The following SLMAP variants were observed in gnomAD, a reference collection of about 807,000 sequenced individuals.
SLMAP encodes the protein sarcolemma associated protein.
Under a neutral mutation model 128.8 loss-of-function variants are expected in SLMAP, and 44 were observed. The observed-to-expected ratio is 0.34, with a 90% CI of 0.27 to 0.44. The LOEUF is 0.44. SLMAP is among the 20% of genes least tolerant of loss of function. The probability of loss-of-function intolerance (pLI) is 1.00; values close to 1 mark genes in which losing one functional copy is unlikely to be tolerated. For synonymous variants in SLMAP, 327 were observed against 348.8 expected, an observed-to-expected ratio of 0.94 and a Z score of 0.70; for missense variants, 787 against 985.3, an observed-to-expected ratio of 0.80 and a Z score of 2.69.
In SLMAP at chr3:57,927,325, T is replaced by C. The variant is rs370475448; in HGVS notation, c.*36T>C. The C allele has an allele frequency of 6.2e-7, 1 of 1,607,628 alleles. No homozygotes were observed. The highest frequency in any genetic ancestry group is 8.5e-7 in the Non-Finnish European group (1 of 1,175,828). On this transcript the variant is annotated 3_prime_UTR_variant, in exon 25 of 25. Coordinates refer to ENST00000671191, the MANE Select transcript of SLMAP (RefSeq NM_001377540.1). Reference sequence around the variant, plus strand: ...CCTGGCCCTGGATGCCCATGTTGGCTGCCCTGGTTGCAGTAACAGCCATCG... The same window carrying C: ...CCTGGCCCTGGATGCCCATGTTGGCCGCCCTGGTTGCAGTAACAGCCATCG...
chr3:57,769,383 T>C (rs1414931062), intron 2 of SLMAP, among the ~76,000 whole-genome samples: 3 of 152,012 alleles, frequency 2.0e-5, no homozygotes, highest in East Asian at 1.9e-4. Flanking sequence ...TTAGTAGAGA[T>C]GGGGTTTCAC....
chr3:57,783,587 AGAAAG>A (rs1299551965), intron 2 of SLMAP, among the ~76,000 whole-genome samples: 1 of 152,244 alleles, frequency 6.6e-6, no homozygotes, highest in Admixed American at 6.5e-5. Context: ...AAAGAGAAAC[AGAAAG>A]GAAAGATTTG....
chr3:57,891,796 C>G (rs549918522), intron 15 of SLMAP, among the ~76,000 whole-genome samples: 1 of 152,090 alleles, frequency 6.6e-6, no homozygotes, highest in East Asian at 1.9e-4. Context: ...AGGCTGGTCT[C>G]AAACTCCTGA....
At chr3:57,767,407 A>G (rs2079960942) in intron 2 of SLMAP, among the ~76,000 whole-genome samples, 1 of 152,244 alleles carries the variant, frequency 6.6e-6, no homozygotes, top group Non-Finnish European at 1.5e-5. Flanking sequence ...GCAGAAAGTC[A>G]TTCAAGTTAG....
chr3:57,874,287 G>A (rs560845757), intron 14 of SLMAP, among the ~76,000 whole-genome samples: 15 of 152,140 alleles, frequency 9.9e-5, no homozygotes, highest in Admixed American at 4.6e-4. Flanking sequence ...GCAAATCCCC[G>A]TCTCTAAAAA....
At chr3:57,861,104 A>G (rs1157697409) in intron 9 of SLMAP, among the ~76,000 whole-genome samples, 2 of 151,404 alleles carry the variant, frequency 1.3e-5, no homozygotes, top group Non-Finnish European at 3.0e-5. Flanking sequence ...TTCACCCTCC[A>G]TACAGCAGAC....
intron 2 of SLMAP, among the ~76,000 whole-genome samples, chr3:57,779,508 C>CA (rs75146875): frequency 0.022 from 1,749 of 79,414 alleles, 13 homozygotes; most frequent in African/African-American, 0.036. Flanking sequence ...GACCCTGTTT[C>CA]AAAAAAAAAA....
Position 57,930,003 on chromosome 3 carries a change from A to G in SLMAP, c.*2714A>G, listed in dbSNP as rs185850087. Among the ~76,000 whole-genome samples, 2 of 152,322 alleles carry G rather than the reference A, an allele frequency of 1.3e-5. No homozygotes were observed. The highest frequency in any genetic ancestry group is 3.9e-4 in the East Asian group (2 of 5,188). On this transcript the variant is annotated 3_prime_UTR_variant, in exon 25 of 25. Transcript: ENST00000671191. ...TTAATTAAATGAATTGATTGACTCA[A>G]CCATTCAGAATTTCTGTGTATGAGT...
intron 21 of SLMAP, among the ~76,000 whole-genome samples, chr3:57,915,086 A>AT (rs1460442660): frequency 6.6e-6 from 1 of 151,552 alleles, no homozygotes; most frequent in African/African-American, 2.4e-5. Flanking sequence ...GGGTTTCACC[A>AT]TGTTGATCAG....
intron 22 of SLMAP, among the ~76,000 whole-genome samples, chr3:57,920,313 T>G (rs1479115472): frequency 6.6e-6 from 1 of 152,144 alleles, no homozygotes; most frequent in Non-Finnish European, 1.5e-5. Context: ...TATCCAGGCT[T>G]GTTGTGGGAA....
At chr3:57,896,677 ATG>A in intron 16 of SLMAP, 86 bp downstream of exon 16, 1 of 1,187,836 alleles carries the variant, frequency 8.4e-7, no homozygotes, top group South Asian at 1.5e-5. Context: ...ATTTCAAAGT[ATG>A]TGTTTGGGGA....
chr3:57,882,511 T>C (rs2153635600), intron 14 of SLMAP, among the ~76,000 whole-genome samples: 1 of 152,356 alleles, frequency 6.6e-6, no homozygotes, highest in African/African-American at 2.4e-5. Flanking sequence ...CTTAAACACC[T>C]TTTTAAAATA....
chr3:57,880,072 G>T (rs572706267), intron 14 of SLMAP, among the ~76,000 whole-genome samples: 1 of 152,236 alleles, frequency 6.6e-6, no homozygotes, highest in African/African-American at 2.4e-5. Context: ...TGGTGGGGTG[G>T]TTCTATTCCT....
chr3:57,896,461 A>G (rs2096246315), intron 15 of SLMAP, 50 bp from the exon 16 acceptor site: 2 of 1,524,054 alleles, frequency 1.3e-6, no homozygotes, highest in East Asian at 4.9e-5. Flanking sequence ...TTTTATTGAT[A>G]TAAGATATTT....
intron 15 of SLMAP, among the ~76,000 whole-genome samples, chr3:57,894,713 T>G (rs141902103): frequency 6.6e-4 from 101 of 152,334 alleles, no homozygotes; most frequent in Non-Finnish European, 1.0e-3. Flanking sequence ...GGACTTAAAC[T>G]GTATATTACA....
chr3:57,910,366 C>G (rs1477914510), intron 19 of SLMAP, among the ~76,000 whole-genome samples: 1 of 151,696 alleles, frequency 6.6e-6, no homozygotes, highest in Non-Finnish European at 1.5e-5. Flanking sequence ...GTATTTTTAG[C>G]AGAGATGGGG....
chr3:57,802,136 T>A (rs1317189783), intron 2 of SLMAP, among the ~76,000 whole-genome samples: 1 of 152,186 alleles, frequency 6.6e-6, no homozygotes, highest in African/African-American at 2.4e-5. Flanking sequence ...TCAATTTTTT[T>A]GTCATTCTAT....
intron 8 of SLMAP, 42 bp downstream of exon 8, chr3:57,858,201 T>C: frequency 9.3e-7 from 1 of 1,073,984 alleles, no homozygotes; most frequent in Non-Finnish European, 1.4e-6. Context: ...ATGCATAGTT[T>C]TTTATGTAAC....
chr3:57,916,955 A>G lies in SLMAP; in HGVS notation c.2188A>G (p.Met730Val). 2 of 1,613,894 alleles carry G rather than the reference A, an allele frequency of 1.2e-6. No individual in the cohort carries two copies. The highest frequency in any genetic ancestry group is 1.3e-5 in the African/African-American group (1 of 75,016). Residue 730 changes from methionine (M) to valine (V), a missense_variant, in exon 22 of 25, where the codon ATG (methionine) becomes GTG (valine). Physicochemically the swap from Met to Val is conservative, Grantham distance 21 (BLOSUM62 1). Coordinates refer to ENST00000671191, the MANE Select transcript of SLMAP (RefSeq NM_001377540.1). ...TACCAGTGATCTCAGCATCCTTCAA[A>G]TGTCTAGGAAAGAACTTGAGAATCA... Reference protein sequence around the residue: ...ELTSDLSILQMSRKELENQVG... With the variant: ...ELTSDLSILQVSRKELENQVG...
Sources: gnomAD v4.1 joint callset for allele counts (sites outside exome capture counted in the v4.1 genomes callset) on GRCh38, gnomAD v4.1.1 for gene constraint, MANE v1.5 for transcripts, NCBI Gene and HGNC (gene_info 2026-07-23, HGNC 2026-07-21) for gene names.